FERRY3: variants seen among roughly 807,000 people sequenced by gnomAD.
The protein encoded by FERRY3 is protein C12orf4.
the FERRY3 span, chr12:4,517,933 G>A: frequency 2.8e-6 from 2 of 711,060 alleles, no homozygotes; most frequent in East Asian, 2.7e-5. Flanking sequence ...GGGTATGTTT[G>A]TTTGGTCTAC....
At chr12:4,490,721 G>A in the FERRY3 span, 2 of 664,542 alleles carry the variant, frequency 3.0e-6, no homozygotes, top group African/African-American at 1.8e-5. Context: ...TTTGCTCGTA[G>A]GATAGGCTAC....
chr12:4,536,217 GAACT>G, the FERRY3 span: 3 of 1,497,164 alleles, frequency 2.0e-6, no homozygotes, highest in Non-Finnish European at 2.7e-6. Flanking sequence ...GATTTCTACA[GAACT>G]AACAAAAAAG....
At chr12:4,501,600 T>C in the FERRY3 span, among the ~76,000 whole-genome samples, 2 of 152,108 alleles carry the variant, frequency 1.3e-5, no homozygotes, top group Non-Finnish European at 2.9e-5. Flanking sequence ...GGGATCTAGG[T>C]TGCGTGCTCC....
At chr12:4,507,058 C>G in the FERRY3 span, among the ~76,000 whole-genome samples, 1 of 152,104 alleles carries the variant, frequency 6.6e-6, no homozygotes, top group African/African-American at 2.4e-5. Flanking sequence ...ACTGCCTTAG[C>G]CGTATGTGGT....
chr12:4,517,614 C>T, the FERRY3 span, among the ~76,000 whole-genome samples: 6 of 148,336 alleles, frequency 4.0e-5, no homozygotes, highest in Admixed American at 2.7e-4. Flanking sequence ...TAGAAATAAT[C>T]ATAAAAAGTG....
At chr12:4,517,916 T>C in the FERRY3 span, 2 of 630,196 alleles carry the variant, frequency 3.2e-6, no homozygotes, top group Non-Finnish European at 5.4e-6. Context: ...ATAAAATAAC[T>C]ATGGCTGGGT....
At chr12:4,517,929 G>T in the FERRY3 span, 2 of 680,436 alleles carry the variant, frequency 2.9e-6, no homozygotes, top group Non-Finnish European at 4.8e-6. Context: ...GGCTGGGTAT[G>T]TTTGTTTGGT....
At chr12:4,518,262 G>A in the FERRY3 span, 3 of 1,612,926 alleles carry the variant, frequency 1.9e-6, no homozygotes, top group African/African-American at 4.0e-5. Context: ...GCTCCTGGGG[G>A]TAGGCAATAG....
chr12:4,505,891 C>G, the FERRY3 span, among the ~76,000 whole-genome samples: 1 of 152,064 alleles, frequency 6.6e-6, no homozygotes, highest in Non-Finnish European at 1.5e-5. Context: ...CTAGTGGGAC[C>G]AGGAATCACT....
the FERRY3 span, chr12:4,500,284 G>A: frequency 3.1e-6 from 5 of 1,614,068 alleles, no homozygotes; most frequent in South Asian, 5.5e-5. Context: ...TCCACACAGA[G>A]ATGGAAAGCA....
At chr12:4,499,853 G>T in the FERRY3 span, among the ~76,000 whole-genome samples, 1 of 152,128 alleles carries the variant, frequency 6.6e-6, no homozygotes, top group Non-Finnish European at 1.5e-5. Context: ...AGGAAAAAAA[G>T]GAGGAGAAAG....
the FERRY3 span, among the ~76,000 whole-genome samples, chr12:4,503,982 C>A: frequency 6.6e-6 from 1 of 152,118 alleles, no homozygotes; most frequent in Admixed American, 6.6e-5. Flanking sequence ...TACAATAGAT[C>A]CTTCACTGAA....
the FERRY3 span, among the ~76,000 whole-genome samples, chr12:4,527,866 A>G: frequency 1.3e-5 from 2 of 152,148 alleles, no homozygotes; most frequent in Non-Finnish European, 1.5e-5. Flanking sequence ...ATGATTTCAA[A>G]CAATAAAATA....
the FERRY3 span, among the ~76,000 whole-genome samples, chr12:4,499,221 T>C: frequency 6.6e-6 from 1 of 152,306 alleles, no homozygotes; most frequent in African/African-American, 2.4e-5. Flanking sequence ...ACCATGTTGC[T>C]CAGGCTGGTC....
the FERRY3 span, among the ~76,000 whole-genome samples, chr12:4,511,929 C>CA: frequency 1.0e-5 from 1 of 96,774 alleles, no homozygotes; most frequent in Non-Finnish European, 2.0e-5. Context: ...AAAAACCCTT[C>CA]AAAAAATCAA....
At chr12:4,508,571 C>G in the FERRY3 span, among the ~76,000 whole-genome samples, 2 of 152,006 alleles carry the variant, frequency 1.3e-5, no homozygotes, top group Non-Finnish European at 2.9e-5. Flanking sequence ...ATGGCAAAAC[C>G]CCGTCTCTAT....
At chr12:4,491,344 G>C in the FERRY3 span, 1 of 927,836 alleles carries the variant, frequency 1.1e-6, no homozygotes, top group Non-Finnish European at 1.6e-6. Context: ...ACAGATTTAG[G>C]TAACTGTTTG....
At chr12:4,500,070 TA>T in the FERRY3 span, 1 of 1,419,180 alleles carries the variant, frequency 7.0e-7, no homozygotes, top group South Asian at 1.2e-5. Flanking sequence ...TATTATATAA[TA>T]TTGGGGGTTA....
chr12:4,495,263 T>C, the FERRY3 span, among the ~76,000 whole-genome samples: 2 of 152,224 alleles, frequency 1.3e-5, no homozygotes, highest in Non-Finnish European at 2.9e-5. Context: ...AATACTATTG[T>C]ATAACTATTT....
Sources: allele counts gnomAD v4.1 joint callset (sites outside exome capture counted in the v4.1 genomes callset), GRCh38; gene constraint gnomAD v4.1.1; transcripts MANE v1.5; gene names NCBI Gene and HGNC (gene_info 2026-07-23, HGNC 2026-07-21).